Variants in DNM2 observed in about 807,000 individuals in gnomAD.
The protein encoded by DNM2 is dynamin 2.
A neutral mutation model predicts 99.0 loss-of-function variants in DNM2; 15 were observed. The observed-to-expected ratio is 0.15, with a 90% CI of 0.10 to 0.23. The LOEUF is 0.23. Among genes scored for constraint, DNM2 ranks in the 10% least tolerant of loss-of-function variants. The pLI, the probability that DNM2 is intolerant of heterozygous loss-of-function variation, is 1.00. For missense variants in DNM2, 742 were observed against 1,189.4 expected, an observed-to-expected ratio of 0.62 and a Z score of 5.53; for synonymous variants, 525 against 481.2, an observed-to-expected ratio of 1.09 and a Z score of -1.19.
rs188348411 is a variant in DNM2 at position 10,778,766 on chromosome 19, C to T, written c.688+1550C>T. Reference sequence around the variant, plus strand: ...CCCATTTGTTTTTTTCTATACCATTCATTTGTGGAAGAAACCAGACCACAT... The same window carrying T: ...CCCATTTGTTTTTTTCTATACCATTTATTTGTGGAAGAAACCAGACCACAT... On this transcript the variant is annotated intron_variant, in intron 5 of 20. Coordinates refer to ENST00000389253, the MANE Select transcript of DNM2 (RefSeq NM_001005361.3). 3.1e-3 allele frequency among the ~76,000 whole-genome samples: 465 copies of T among 152,118 alleles called. 2 individuals carry two copies. The highest frequency in any genetic ancestry group is 5.4e-3 in the South Asian group (26 of 4,822).
chr19:10,755,598 T>C, intron 1 of DNM2: 1 of 151,766 alleles, frequency 6.6e-6, no homozygotes, highest in Non-Finnish European at 1.5e-5. Flanking sequence ...GTGGTTGCGA[T>C]TACAGGTGTC....
In DNM2 at chr19:10,812,108, T is replaced by A. The variant is rs2072568435; in HGVS notation, c.1558-156T>A. The A allele has an allele frequency of 1.6e-6, 1 of 626,234 alleles. No individual in the cohort carries two copies. The highest frequency in any genetic ancestry group is 2.9e-6 in the Non-Finnish European group (1 of 344,894). 38.8% of individuals were successfully genotyped at this position (626,234 alleles called of 1,614,324 possible). A position where few individuals can be genotyped will look rare whatever the true frequency, so the allele number is the denominator to read the frequency against. ...ATGTTGGTTTCCTGCTGGAAATGCT[T>A]GGGACAGGGTGGAACTGGGTTTCCT... is the stretch of plus-strand genomic sequence containing the variant. On this transcript the variant is annotated intron_variant, in intron 14 of 20. Transcript: ENST00000389253. This position sits in a 1 kb window ranked among gnomAD's most constrained non-coding sequence, Gnocchi z 4.0.
chr19:10,782,899 C>G, intron 5 of DNM2, 61 bp from the exon 6 acceptor site: 1 of 1,611,398 alleles, frequency 6.2e-7, no homozygotes. Context: ...TTGCCCATCC[C>G]CGTGCCAGGT....
chr19:10,723,374 CT>C, intron 1 of DNM2, among the ~76,000 whole-genome samples: 1 of 152,176 alleles, frequency 6.6e-6, no homozygotes, highest in Non-Finnish European at 1.5e-5. Context: ...CTCAGGTGAT[CT>C]GCCGGCCATG....
At chr19:10,774,376 G>A (rs1211507714) in intron 3 of DNM2, among the ~76,000 whole-genome samples, 1 of 152,164 alleles carries the variant, frequency 6.6e-6, no homozygotes, top group Non-Finnish European at 1.5e-5. Flanking sequence ...TGTATATGTT[G>A]TGTATGTGTT....
At chr19:10,786,328 C>T in intron 6 of DNM2, 3 of 627,312 alleles carry the variant, frequency 4.8e-6, no homozygotes, top group Middle Eastern at 4.5e-4. Flanking sequence ...TGCCTGATGT[C>T]GGCCCCGTGG....
Position 10,817,985 on chromosome 19 carries a change from C to T in DNM2, c.1672-1995C>T, listed in dbSNP as rs1163961898. On this transcript the variant is annotated intron_variant, in intron 15 of 20. Transcript: ENST00000389253. The surrounding 1 kb of genome is among the most constrained non-coding windows in gnomAD (Gnocchi z 4.6). ...TTCCGGCCGCGTGATATGATAGGGTCAGGGCAGCAAAGGCCCTTGGGCAAA... is the reference window on the plus strand; with the variant it reads ...TTCCGGCCGCGTGATATGATAGGGTTAGGGCAGCAAAGGCCCTTGGGCAAA... Among the ~76,000 whole-genome samples the T allele has an allele frequency of 6.6e-6, 1 of 152,096 alleles. No individual in the cohort carries two copies. Among genetic ancestry groups the T allele is most frequent in the East Asian group, 1.9e-4 (1 of 5,174 alleles).
intron 1 of DNM2, among the ~76,000 whole-genome samples, chr19:10,748,019 G>T (rs1020872090): frequency 1.3e-5 from 2 of 152,182 alleles, no homozygotes; most frequent in African/African-American, 4.8e-5. Context: ...GGCATATGTG[G>T]CTGGAGTAAA....
chr19:10,728,969 G>C (rs1026310706), intron 1 of DNM2, among the ~76,000 whole-genome samples: 4 of 149,826 alleles, frequency 2.7e-5, no homozygotes, highest in Admixed American at 6.7e-5. Context: ...GCTGTATGCG[G>C]TGGTTCACGC....
At chr19:10,758,094 TC>T (rs2070462308) in intron 1 of DNM2, among the ~76,000 whole-genome samples, 1 of 152,144 alleles carries the variant, frequency 6.6e-6, no homozygotes, top group South Asian at 2.1e-4. Context: ...GCTTTCATTT[TC>T]CTTTCTGAGT....
intron 2 of DNM2, among the ~76,000 whole-genome samples, chr19:10,771,071 C>T (rs761563922): frequency 2.3e-4 from 35 of 152,184 alleles, no homozygotes; most frequent in Non-Finnish European, 3.5e-4. Flanking sequence ...GGATAATAGG[C>T]GTGAGCCACT....
At chr19:10,753,798 A>G (rs1278743338) in intron 1 of DNM2, among the ~76,000 whole-genome samples, 1 of 151,694 alleles carries the variant, frequency 6.6e-6, no homozygotes, top group Non-Finnish European at 1.5e-5. Context: ...CTGGCATTAA[A>G]GGCACCCACC....
rs1328516269 is a variant in DNM2 at position 10,775,713 on chromosome 19, G to C, written c.396G>C (p.Leu132Phe). 1 of 1,614,034 alleles carries C rather than the reference G, an allele frequency of 6.2e-7. No individual in the cohort carries two copies. The highest frequency in any genetic ancestry group is 8.5e-7 in the Non-Finnish European group (1 of 1,180,022). ...TGGTTTCCCTCCCAGTGTTGAACTT[G>C]ACCCTCATCGACCTCCCGGGTATCA... ...LRVYSPHVLN[L>F]TLIDLPGITK... The change falls in exon 4 of 21, where the codon TTG becomes TTC. Residue 132 changes from leucine (L) to phenylalanine (F), a missense_variant. Leu to Phe is a conservative substitution (Grantham distance 22). Transcript: ENST00000389253. This position sits in a 1 kb window ranked among gnomAD's most constrained non-coding sequence, Gnocchi z 4.3.
rs142010649 is a variant in DNM2 at position 10,784,866 on chromosome 19, C to T, written c.850-1698C>T. On this transcript the variant is annotated intron_variant, in intron 6 of 20. Transcript: ENST00000389253. ...TGAGACAGAGCCTCACTCTGTTGCC[C>T]GGGCTGGAGTGCAGTGGCATGATCT... 3.4e-3 allele frequency among the ~76,000 whole-genome samples: 491 copies of T among 143,334 alleles called. 2 individuals are homozygous for T. Among genetic ancestry groups the T allele is most frequent in the African/African-American group, 0.012 (457 of 38,104 alleles). 94.0% of individuals were successfully genotyped at this position (143,334 alleles called of 152,430 possible).
In DNM2 at chr19:10,831,847, G is replaced by A; in HGVS notation, c.*800G>A. ...TCCTCGCTCAGTTTGACCACTGTAA[G>A]TGCCTGCACTCTGTATTCTATTAAT... On this transcript the variant is annotated 3_prime_UTR_variant, in exon 21 of 21. Coordinates refer to ENST00000389253, the MANE Select transcript of DNM2 (RefSeq NM_001005361.3). This position sits in a 1 kb window ranked among gnomAD's most constrained non-coding sequence, Gnocchi z 4.3. 5 of 1,002,470 alleles carry A rather than the reference G, an allele frequency of 5.0e-6. No homozygotes were observed. Among genetic ancestry groups the A allele is most frequent in the Non-Finnish European group, 6.0e-6 (5 of 840,112 alleles). 62.1% of individuals were successfully genotyped at this position (1,002,470 alleles called of 1,614,324 possible).
At chr19:10,773,510 G>A (rs1460163945) in intron 3 of DNM2, among the ~76,000 whole-genome samples, 2 of 148,606 alleles carry the variant, frequency 1.3e-5, no homozygotes, top group East Asian at 2.0e-4. Flanking sequence ...GTGTAGTGGC[G>A]CAATCTCCAC....
chr19:10,807,611 C>T (rs191860977), intron 13 of DNM2, among the ~76,000 whole-genome samples: 97 of 137,478 alleles, frequency 7.1e-4, no homozygotes, highest in Non-Finnish European at 1.2e-3. Flanking sequence ...TGCAGTGGCG[C>T]GGTCTCAGCT....
chr19:10,742,329 G>A (rs2069783737), intron 1 of DNM2, among the ~76,000 whole-genome samples: 1 of 152,154 alleles, frequency 6.6e-6, no homozygotes, highest in South Asian at 2.1e-4. Context: ...AGAAGGGTCT[G>A]TGCCTGTTGT....
intron 15 of DNM2, among the ~76,000 whole-genome samples, chr19:10,815,808 C>A (rs1026952511): frequency 1.3e-5 from 2 of 152,166 alleles, no homozygotes; most frequent in African/African-American, 4.8e-5. Context: ...GAGTGCCCCC[C>A]ACTGGGGACT....
Sources: allele counts gnomAD v4.1 joint callset (sites outside exome capture counted in the v4.1 genomes callset), GRCh38; gene constraint gnomAD v4.1.1; non-coding constraint Gnocchi (gnomAD v3.1); transcripts MANE v1.5; gene names NCBI Gene and HGNC (gene_info 2026-07-23, HGNC 2026-07-21).